The following SMS variants were observed in gnomAD, a reference collection of about 807,000 sequenced individuals.
The protein encoded by SMS is spermine synthase.
Under a neutral mutation model 33.0 loss-of-function variants are expected in SMS, and 3 were observed. That is an observed-to-expected ratio of 0.09 (90% confidence interval 0.04 to 0.23). The LOEUF (loss-of-function observed/expected upper bound fraction) is 0.23. SMS is among the 10% of genes least tolerant of loss of function. The pLI is 1.00. For synonymous variants in SMS, 103 were observed against 112.2 expected, an observed-to-expected ratio of 0.92 and a Z score of 0.52; for missense variants, 117 against 288.6, an observed-to-expected ratio of 0.41 and a Z score of 4.31.
At chrX:21,981,213 T>A (rs1306097766) in intron 7 of SMS, among the ~76,000 whole-genome samples, 2 of 109,900 alleles carry the variant, frequency 1.8e-5, no homozygotes, top group Non-Finnish European at 3.8e-5. Context: ...CCAGCTACTC[T>A]GGAGGCTGAG....
chrX:21,966,607 T>C (rs1386271708), intron 1 of SMS, among the ~76,000 whole-genome samples: 1 of 111,309 alleles, frequency 9.0e-6, no homozygotes, highest in Non-Finnish European at 1.9e-5. Flanking sequence ...CCATATGGAA[T>C]CGTTGTCCAG....
chrX:21,974,266 C>A (rs1445896132), intron 4 of SMS, among the ~76,000 whole-genome samples: 1 of 112,198 alleles, frequency 8.9e-6, no homozygotes, highest in Non-Finnish European at 1.9e-5. Flanking sequence ...AATTGTTTAA[C>A]CTTCTGTAGT....
At chrX:21,941,912 A>C (rs962476403) in intron 1 of SMS, among the ~76,000 whole-genome samples, 2 of 93,579 alleles carry the variant, frequency 2.1e-5, no homozygotes, top group East Asian at 7.3e-4. Context: ...AAAAAAAAAA[A>C]AAAAAAAAAA....
In SMS at chrX:21,986,074, T is replaced by C. The variant is rs374067409; in HGVS notation, c.945+851T>C. On this transcript the variant is annotated intron_variant, in intron 9 of 10. Coordinates refer to ENST00000404933, the MANE Select transcript of SMS (RefSeq NM_004595.5). ...ATTTAAAAGTCAGGAAGAGGCCAGG[T>C]GTGGTGGCTTACGCCTGTAATCCTA... is the stretch of plus-strand genomic sequence containing the variant. Among the ~76,000 whole-genome samples, 8 of 109,535 alleles carry C rather than the reference T, an allele frequency of 7.3e-5. No individual in the cohort carries two copies. In the East Asian group the frequency reaches 1.7e-3, roughly 24 times the overall value.
At chrX:21,967,767 C>T (rs1442674218) in intron 2 of SMS, among the ~76,000 whole-genome samples, 1 of 112,460 alleles carries the variant, frequency 8.9e-6, no homozygotes, top group African/African-American at 3.2e-5. Context: ...AATGTATACA[C>T]CCTGAAGTGG....
Position 21,940,848 on chromosome X carries a change from G to T in SMS, c.24G>T (p.Thr8=). Residue 8 remains threonine, a synonymous_variant, in exon 1 of 11, where the codon ACG becomes ACT. Transcript: ENST00000404933. ...CTATGGCAGCAGCACGGCACAGCAC[G>T]CTCGACTTCATGCTCGGCGCCAAAG... The part of the protein sequence containing the change: MAAARHS[T]LDFMLGAKAD... 9.0e-7 allele frequency: 1 copy of T among 1,116,443 alleles called. No homozygotes were observed. The highest frequency in any genetic ancestry group is 2.8e-5 in the Admixed American group (1 of 35,694). 92.0% of individuals were successfully genotyped at this position (1,116,443 alleles called of 1,213,427 possible).
intron 1 of SMS, chrX:21,941,469 G>C (rs957308758): frequency 1.8e-4 from 25 of 135,790 alleles, no homozygotes; most frequent in African/African-American, 7.4e-4. Flanking sequence ...AGCCGACTGC[G>C]TAGGAGACGG....
intron 1 of SMS, among the ~76,000 whole-genome samples, chrX:21,942,771 C>T (rs1027645369): frequency 2.3e-4 from 25 of 109,240 alleles, no homozygotes; most frequent in Admixed American, 5.9e-4. Flanking sequence ...GGGAAGTGTC[C>T]CTGTTGTGAG....
intron 7 of SMS, among the ~76,000 whole-genome samples, chrX:21,983,245 G>A (rs964888087): frequency 9.1e-6 from 1 of 109,868 alleles, no homozygotes; most frequent in Non-Finnish European, 1.9e-5. Flanking sequence ...TCACCATGTC[G>A]CCCAGGCTGC....
chrX:21,968,770 G>A (rs189457696), intron 2 of SMS, among the ~76,000 whole-genome samples: 1 of 112,193 alleles, frequency 8.9e-6, no homozygotes, highest in Non-Finnish European at 1.9e-5. Flanking sequence ...TACTAATTAA[G>A]ATTCTTAGTA....
At chrX:21,964,062 A>ATTT (rs372817561) in intron 1 of SMS, among the ~76,000 whole-genome samples, 7 of 95,014 alleles carry the variant, frequency 7.4e-5, no homozygotes, top group African/African-American at 1.2e-4. Context: ...TTGAAATCAG[A>ATTT]TTTTTTTTTT....
intron 9 of SMS, among the ~76,000 whole-genome samples, chrX:21,990,621 A>G (rs1433697179): frequency 8.9e-6 from 1 of 112,377 alleles, no homozygotes; most frequent in African/African-American, 3.2e-5. Flanking sequence ...CTTCTTGACA[A>G]TGTTGGGAAA....
intron 8 of SMS, among the ~76,000 whole-genome samples, chrX:21,984,866 G>A (rs1302516848): frequency 1.8e-5 from 2 of 111,009 alleles, no homozygotes; most frequent in Non-Finnish European, 3.8e-5. Context: ...TTTGCTGCTT[G>A]CCCCCTTATT....
At chrX:21,990,813 C>A (rs1314514909) in intron 9 of SMS, among the ~76,000 whole-genome samples, 1 of 112,798 alleles carries the variant, frequency 8.9e-6, no homozygotes, top group Non-Finnish European at 1.9e-5. Context: ...AACAACTGGG[C>A]AGTTTTCTAT....
intron 1 of SMS, chrX:21,959,951 C>T: frequency 1.3e-6 from 1 of 753,138 alleles, no homozygotes; most frequent in Non-Finnish European, 1.6e-6. Context: ...CGGGTATAAG[C>T]CTGACCAAAG....
chrX:21,958,560 A>G (rs2147499561), intron 1 of SMS, among the ~76,000 whole-genome samples: 1 of 112,388 alleles, frequency 8.9e-6, no homozygotes, highest in East Asian at 2.8e-4. Context: ...ACTTTAGAAC[A>G]TTTTCATCAC....
At chrX:21,993,532 C>T (rs1299007236) in intron 10 of SMS, among the ~76,000 whole-genome samples, 1 of 112,510 alleles carries the variant, frequency 8.9e-6, no homozygotes, top group Non-Finnish European at 1.9e-5. Flanking sequence ...GGAGCAACTG[C>T]TGCTGACCTC....
At chrX:21,948,368 G>T (rs1268111627) in intron 1 of SMS, among the ~76,000 whole-genome samples, 1 of 108,298 alleles carries the variant, frequency 9.2e-6, no homozygotes, top group East Asian at 2.9e-4. Context: ...CAAGAGAGGG[G>T]TACTTTTTCA....
At chrX:21,952,120 T>A (rs1922644038) in intron 1 of SMS, among the ~76,000 whole-genome samples, 1 of 112,122 alleles carries the variant, frequency 8.9e-6, no homozygotes, top group African/African-American at 3.2e-5. Flanking sequence ...TTAATCTATG[T>A]GCCTTACTGT....
Sources: allele counts gnomAD v4.1 joint callset (sites outside exome capture counted in the v4.1 genomes callset), GRCh38; gene constraint gnomAD v4.1.1; transcripts MANE v1.5; gene names NCBI Gene and HGNC (gene_info 2026-07-23, HGNC 2026-07-21).